CPA6: variants seen among roughly 807,000 people sequenced by gnomAD.
CPA6 encodes the protein carboxypeptidase A6.
A neutral mutation model predicts 63.3 loss-of-function variants in CPA6; 58 were observed. The observed-to-expected ratio is 0.92, with a 90% CI of 0.74 to 1.14. The LOEUF (loss-of-function observed/expected upper bound fraction) is 1.14, where lower values mean the gene tolerates loss of function less well. Among genes scored for constraint, CPA6 ranks in the 50% most tolerant of loss-of-function variants. The pLI is 0.00. For synonymous variants in CPA6, 185 were observed against 179.0 expected, an observed-to-expected ratio of 1.03 and a Z score of -0.27; for missense variants, 565 against 526.6, an observed-to-expected ratio of 1.07 and a Z score of -0.71.
At chr8:67,568,631 A>G (rs1813403228) in intron 2 of CPA6, among the ~76,000 whole-genome samples, 1 of 152,238 alleles carries the variant, frequency 6.6e-6, no homozygotes, top group East Asian at 1.9e-4. Context: ...AAAAGAAACA[A>G]GAATGAAAAA....
Position 67,434,099 on chromosome 8 carries a change from G to T in CPA6, c.980C>A (p.Ala327Asp). 1 of 1,613,804 alleles carries T rather than the reference G, an allele frequency of 6.2e-7. No individual in the cohort carries two copies. The highest frequency in any genetic ancestry group is 8.5e-7 in the Non-Finnish European group (1 of 1,179,836). The change falls in exon 9 of 11, where the codon GCT becomes GAT. Residue 327 changes from alanine (A) to aspartate (D), a missense_variant. Transcript: ENST00000297770. ...AGAATAGGGATACAGTAACATCTGA[G>T]CATATGCATGAAAGGAGAGATAAGC... is the stretch of plus-strand genomic sequence containing the variant. ...IRAYLSFHAY[A>D]QMLLYPYSYK...
intron 6 of CPA6, among the ~76,000 whole-genome samples, chr8:67,489,624 T>C (rs922771537): frequency 5.9e-5 from 9 of 152,200 alleles, no homozygotes; most frequent in South Asian, 2.1e-4. Flanking sequence ...TAATCAATTG[T>C]TGTGAATGTT....
chr8:67,520,287 G>T (rs914862077), intron 2 of CPA6, among the ~76,000 whole-genome samples: 1 of 152,172 alleles, frequency 6.6e-6, no homozygotes, highest in Non-Finnish European at 1.5e-5. Context: ...CCACAGAAGA[G>T]AGCAGCTTCT....
chr8:67,487,319 T>C (rs935860996), intron 6 of CPA6, among the ~76,000 whole-genome samples: 1 of 152,176 alleles, frequency 6.6e-6, no homozygotes, highest in African/African-American at 2.4e-5. Flanking sequence ...TTTCTGTCCT[T>C]GTGATAGTTT....
At chr8:67,465,024 A>G (rs529120820) in intron 8 of CPA6, among the ~76,000 whole-genome samples, 8 of 152,302 alleles carry the variant, frequency 5.3e-5, no homozygotes, top group Non-Finnish European at 8.8e-5. Flanking sequence ...ATTTTAGAAT[A>G]GTTTTTTCTA....
chr8:67,544,742 G>A (rs906294476), intron 2 of CPA6, among the ~76,000 whole-genome samples: 1 of 152,126 alleles, frequency 6.6e-6, no homozygotes, highest in Admixed American at 6.6e-5. Context: ...CGCTGCTTCT[G>A]CCATATATAT....
At chr8:67,433,365 C>T (rs1013164294) in intron 9 of CPA6, among the ~76,000 whole-genome samples, 1 of 152,172 alleles carries the variant, frequency 6.6e-6, no homozygotes, top group African/African-American at 2.4e-5. Flanking sequence ...CGACTCACTT[C>T]ATGATGACTG....
At chr8:67,532,351 G>A (rs1157293985) in intron 2 of CPA6, among the ~76,000 whole-genome samples, 1 of 151,322 alleles carries the variant, frequency 6.6e-6, no homozygotes, top group Non-Finnish European at 1.5e-5. Flanking sequence ...AAAAAATAGA[G>A]AATACCATAA....
chr8:67,612,725 CAA>C (rs1440135425), intron 2 of CPA6, among the ~76,000 whole-genome samples: 3 of 152,154 alleles, frequency 2.0e-5, no homozygotes, highest in African/African-American at 7.2e-5. Context: ...TTTAATCAAG[CAA>C]AGTCTTTGTG....
At chr8:67,492,515 T>C (rs1400466277) in intron 6 of CPA6, among the ~76,000 whole-genome samples, 1 of 152,202 alleles carries the variant, frequency 6.6e-6, no homozygotes, top group Non-Finnish European at 1.5e-5. Context: ...TAATTCACAG[T>C]ATTTCTCATG....
rs191966549 is a variant in CPA6, at chr8:67,582,880, G to A, written c.192+41296C>T. Among the ~76,000 whole-genome samples, 11 of 152,234 alleles carry A rather than the reference G, an allele frequency of 7.2e-5. No individual in the cohort carries two copies. The East Asian group carries it at 2.1e-3, about 29-fold the overall frequency. On this transcript the variant is annotated intron_variant, in intron 2 of 10. Coordinates refer to ENST00000297770, the MANE Select transcript of CPA6 (RefSeq NM_020361.5). ...TGGAGGTCTAGGGCTAATTATCAGT[G>A]GTGCTGTAGGTTGTGGTATTGTGTT...
At chr8:67,509,712 C>T (rs1463181162) in intron 4 of CPA6, 94 bp from the exon 5 acceptor site, 8 of 591,786 alleles carry the variant, frequency 1.4e-5, no homozygotes, top group Admixed American at 3.1e-5. Flanking sequence ...AGTAGTTCTC[C>T]GAATTCAAGG....
chr8:67,596,520 T>C (rs1052535266), intron 2 of CPA6, among the ~76,000 whole-genome samples: 1 of 150,960 alleles, frequency 6.6e-6, no homozygotes, highest in African/African-American at 2.5e-5. Flanking sequence ...TATTTGGGTA[T>C]GAATTTATTT....
At chr8:67,591,570 G>T (rs1238998965) in intron 2 of CPA6, among the ~76,000 whole-genome samples, 1 of 152,058 alleles carries the variant, frequency 6.6e-6, no homozygotes, top group African/African-American at 2.4e-5. Flanking sequence ...ATTGAGCAGT[G>T]GTTTGTAGTT....
At chr8:67,649,116 T>TC (rs1815779896) in intron 1 of CPA6, among the ~76,000 whole-genome samples, 1 of 152,134 alleles carries the variant, frequency 6.6e-6, no homozygotes, top group East Asian at 1.9e-4. Context: ...ATTTTTTTTT[T>TC]CATGGAAAGA....
In CPA6 at chr8:67,445,603, CATTA is replaced by C. The variant is rs532874414; in HGVS notation, c.839-11367_839-11364del. Among the ~76,000 whole-genome samples, 392 of 152,082 alleles carry C rather than the reference CATTA, an allele frequency of 2.6e-3. 2 individuals are homozygous for C. Among genetic ancestry groups the C allele is most frequent in the African/African-American group, 8.5e-3 (353 of 41,492 alleles). On this transcript the variant is annotated intron_variant, in intron 8 of 10. Coordinates refer to ENST00000297770, the MANE Select transcript of CPA6 (RefSeq NM_020361.5). Reference sequence around the variant, plus strand: ...TTTTTAAATTAATTGTGTAGAAAGGCATTAATTCTCTTAAAATAAGGATGAGAAA... The same window carrying C: ...TTTTTAAATTAATTGTGTAGAAAGGCATTCTCTTAAAATAAGGATGAGAAA...
At chr8:67,540,408 C>A (rs1489476792) in intron 2 of CPA6, among the ~76,000 whole-genome samples, 1 of 152,154 alleles carries the variant, frequency 6.6e-6, no homozygotes, top group Non-Finnish European at 1.5e-5. Flanking sequence ...CTGCCAGATG[C>A]CAGCCAGAGC....
intron 1 of CPA6, among the ~76,000 whole-genome samples, chr8:67,670,901 AG>A (rs1816328904): frequency 6.6e-6 from 1 of 152,242 alleles, no homozygotes; most frequent in Non-Finnish European, 1.5e-5. Context: ...TACCAATTTT[AG>A]TATATACATT....
intron 2 of CPA6, among the ~76,000 whole-genome samples, chr8:67,574,238 C>T (rs1035323415): frequency 1.3e-5 from 2 of 151,580 alleles, no homozygotes; most frequent in Non-Finnish European, 2.9e-5. Context: ...ATTAGCTGGG[C>T]ATGGTGGCAC....
Sources: allele counts gnomAD v4.1 joint callset (sites outside exome capture counted in the v4.1 genomes callset), GRCh38; gene constraint gnomAD v4.1.1; transcripts MANE v1.5; gene names NCBI Gene and HGNC (gene_info 2026-07-23, HGNC 2026-07-21).